Variants in IRAK1BP1 observed in about 807,000 individuals in gnomAD.
IRAK1BP1 encodes the protein interleukin-1 receptor-associated kinase 1-binding protein 1.
Under a neutral mutation model 28.0 loss-of-function variants are expected in IRAK1BP1, and 24 were observed. That is an observed-to-expected ratio of 0.86 (90% CI 0.62 to 1.20). IRAK1BP1 has a LOEUF of 1.20. Ranked by LOEUF, IRAK1BP1 falls within the 50% of genes most tolerant of loss-of-function variation. The probability of loss-of-function intolerance (pLI) is 0.00; values close to 1 mark genes in which losing one functional copy is unlikely to be tolerated. For missense variants in IRAK1BP1, 336 were observed against 316.7 expected, an observed-to-expected ratio of 1.06 and a Z score of -0.46; for synonymous variants, 131 against 116.3, an observed-to-expected ratio of 1.13 and a Z score of -0.81.
the IRAK1BP1 span, chr6:78,963,022 T>C: frequency 2.9e-6 from 4 of 1,386,154 alleles, no homozygotes; most frequent in African/African-American, 5.9e-5. Context: ...AAAATTTTTG[T>C]TGGAGAATAA....
At chr6:78,876,386 G>C (rs185322851) in intron 1 of IRAK1BP1, among the ~76,000 whole-genome samples, 112 of 152,198 alleles carry the variant, frequency 7.4e-4, no homozygotes, top group Non-Finnish European at 1.2e-3. Context: ...CGTGAAAATG[G>C]ACTAATACAC....
At chr6:78,957,442 G>A in the IRAK1BP1 span, 1 of 151,594 alleles carries the variant, frequency 6.6e-6, no homozygotes, top group Non-Finnish European at 1.5e-5. Flanking sequence ...GTAGAGAAAG[G>A]GCACAAACTT....
chr6:78,943,961 C>CGGT (rs2127680359), intron 4 of IRAK1BP1, among the ~76,000 whole-genome samples: 1 of 119,706 alleles, frequency 8.4e-6, no homozygotes, highest in African/African-American at 3.2e-5. Flanking sequence ...ACTTCAGCCT[C>CGGT]GGTGACAGAG....
At chr6:78,872,313 T>C (rs1385644168) in intron 1 of IRAK1BP1, among the ~76,000 whole-genome samples, 2 of 152,208 alleles carry the variant, frequency 1.3e-5, no homozygotes, top group East Asian at 3.8e-4. Context: ...ATGCAAATCT[T>C]TGTCTTAGGA....
chr6:78,891,506 G>T (rs1324862951), intron 2 of IRAK1BP1, among the ~76,000 whole-genome samples: 1 of 149,792 alleles, frequency 6.7e-6, no homozygotes, highest in Non-Finnish European at 1.5e-5. Flanking sequence ...TTGTCACCCA[G>T]GCTGGAGTGC....
intron 4 of IRAK1BP1, among the ~76,000 whole-genome samples, chr6:78,932,670 T>C (rs1009605103): frequency 3.3e-5 from 5 of 152,060 alleles, no homozygotes; most frequent in African/African-American, 1.2e-4. Context: ...CCACCCACCT[T>C]GGACTCCTAA....
intron 4 of IRAK1BP1, among the ~76,000 whole-genome samples, chr6:78,930,157 G>A (rs1305281418): frequency 6.6e-6 from 1 of 151,884 alleles, no homozygotes; most frequent in East Asian, 1.9e-4. Context: ...TGAACTCTTG[G>A]GCTCAGAGTT....
chr6:78,945,550 A>C, exon 5 of IRAK1BP1: 1 of 1,113,476 alleles, frequency 9.0e-7, no homozygotes, highest in Non-Finnish European at 1.3e-6. Flanking sequence ...CCTAAAGATA[A>C]GAAAAAAGGT....
chr6:78,908,031 T>TTTA (rs1228200101), downstream of IRAK1BP1, among the ~76,000 whole-genome samples: 11 of 101,722 alleles, frequency 1.1e-4, no homozygotes, highest in East Asian at 4.1e-4. Flanking sequence ...TATTTTTTAT[T>TTTA]TTATTTATTT....
At chr6:78,896,135 G>A (rs1771873334) in intron 2 of IRAK1BP1, among the ~76,000 whole-genome samples, 1 of 152,154 alleles carries the variant, frequency 6.6e-6, no homozygotes, top group African/African-American at 2.4e-5. Context: ...TGGTTTGGAA[G>A]ATTCACTATT....
the IRAK1BP1 span, chr6:78,955,187 T>C: frequency 7.4e-7 from 1 of 1,347,490 alleles, no homozygotes; most frequent in Non-Finnish European, 1.0e-6. Context: ...CTTAATACAT[T>C]TTAATTCATA....
chr6:78,946,073 G>T, exon 5 of IRAK1BP1: 1 of 1,612,046 alleles, frequency 6.2e-7, no homozygotes, highest in Non-Finnish European at 8.5e-7. Context: ...GTAGATGGTT[G>T]CTCAGTGACA....
At chr6:78,965,784 T>C in the IRAK1BP1 span, 25 of 1,419,760 alleles carry the variant, frequency 1.8e-5, no homozygotes, top group Middle Eastern at 3.8e-3. Flanking sequence ...AGAAAAATCA[T>C]TATATTAAAA....
chr6:78,961,147 G>T, the IRAK1BP1 span, among the ~76,000 whole-genome samples: 6 of 151,956 alleles, frequency 3.9e-5, no homozygotes, highest in Non-Finnish European at 8.8e-5. Context: ...CAAATTAATT[G>T]AAATTATGCC....
At chr6:78,961,973 C>G in the IRAK1BP1 span, among the ~76,000 whole-genome samples, 1 of 151,994 alleles carries the variant, frequency 6.6e-6, no homozygotes, top group Non-Finnish European at 1.5e-5. Flanking sequence ...AAGAGTCTCA[C>G]TTTTTATTAT....
chr6:78,867,994 G>A lies in IRAK1BP1; in HGVS notation c.315+103G>A, dbSNP rs1298077645. On this transcript the variant is annotated intron_variant, in intron 1 of 3. Transcript: ENST00000369940. ...CCTAGCGGGAAGGGAGATGTGGAGG[G>A]TCTGGAGCGTTTAGGACGCGTTTGT... 19 of 1,274,328 alleles carry A rather than the reference G, an allele frequency of 1.5e-5. No individual in the cohort carries two copies. The Admixed American group carries it at 4.0e-4, about 27-fold the overall frequency. 78.9% of individuals were successfully genotyped at this position (1,274,328 alleles called of 1,614,324 possible). A position where few individuals can be genotyped will look rare whatever the true frequency, so the allele number is the denominator to read the frequency against.
rs774746332 is a variant in IRAK1BP1 at position 78,941,027 on chromosome 6, C to A, written c.*68-4381C>A. 5 of 1,613,768 alleles carry A rather than the reference C, an allele frequency of 3.1e-6. No homozygotes were observed. The highest frequency in any genetic ancestry group is 4.2e-6 in the Non-Finnish European group (5 of 1,179,856). On this transcript the variant is annotated intron_variant and NMD_transcript_variant, in intron 4 of 4. Coordinates refer to the IRAK1BP1 transcript ENST00000606868. ...CTTCCTTTTGGGCTTCCTACCTCCA[C>A]GATTCTTTTTCTGTAACAAATCTTC...
At chr6:78,879,873 A>G (rs1044427854) in intron 1 of IRAK1BP1, among the ~76,000 whole-genome samples, 1 of 152,206 alleles carries the variant, frequency 6.6e-6, no homozygotes, top group African/African-American at 2.4e-5. Flanking sequence ...GTACAGATAT[A>G]GTAGTGAGGT....
rs555869292 is a variant in IRAK1BP1 at position 78,910,185 on chromosome 6, C to T, written c.*67+7075C>T. Reference sequence around the variant, plus strand: ...TCCATGACAGGGGATGAGGGAATGCCTGCTCGGGGAGGGGAAAAGGGGACT... The same window carrying T: ...TCCATGACAGGGGATGAGGGAATGCTTGCTCGGGGAGGGGAAAAGGGGACT... On this transcript the variant is annotated intron_variant and NMD_transcript_variant, in intron 4 of 4. Coordinates refer to the IRAK1BP1 transcript ENST00000606868. Among the ~76,000 whole-genome samples the T allele has an allele frequency of 2.0e-4, 31 of 152,192 alleles. 1 individual carries two copies. In the South Asian group the frequency reaches 5.4e-3, roughly 26 times the overall value.
Sources: allele counts gnomAD v4.1 joint callset (sites outside exome capture counted in the v4.1 genomes callset), GRCh38; gene constraint gnomAD v4.1.1; transcripts MANE v1.5; gene names NCBI Gene and HGNC (gene_info 2026-07-23, HGNC 2026-07-21).